The following ATE1 variants were observed in gnomAD, a reference collection of about 807,000 sequenced individuals.
ATE1 encodes the protein arginyltransferase 1.
A neutral mutation model predicts 70.5 loss-of-function variants in ATE1; 36 were observed. The observed-to-expected ratio is 0.51, with a 90% CI of 0.39 to 0.67. The LOEUF (loss-of-function observed/expected upper bound fraction) is 0.67, where lower values mean the gene tolerates loss of function less well. Among genes scored for constraint, ATE1 ranks in the 30% least tolerant of loss-of-function variants. The probability of loss-of-function intolerance (pLI) is 0.00; values close to 1 mark genes in which losing one functional copy is unlikely to be tolerated. For missense variants in ATE1, 593 were observed against 629.5 expected, an observed-to-expected ratio of 0.94 and a Z score of 0.62; for synonymous variants, 232 against 219.3, an observed-to-expected ratio of 1.06 and a Z score of -0.51.
chr10:121,903,404 A>C (rs184911545), intron 5 of ATE1, among the ~76,000 whole-genome samples: 21 of 152,270 alleles, frequency 1.4e-4, no homozygotes, highest in African/African-American at 4.6e-4. Flanking sequence ...AGGTTTTTTT[A>C]AATTAAAAGA....
At chr10:121,796,831 T>C (rs1174405515) in intron 10 of ATE1, among the ~76,000 whole-genome samples, 5 of 152,208 alleles carry the variant, frequency 3.3e-5, no homozygotes, top group African/African-American at 1.2e-4. Flanking sequence ...CATATACTTT[T>C]GGTTTTTGGT....
chr10:121,774,044 T>G (rs371976378), intron 11 of ATE1, among the ~76,000 whole-genome samples: 2 of 152,206 alleles, frequency 1.3e-5, no homozygotes, highest in Non-Finnish European at 1.5e-5. Flanking sequence ...TCATCTTGAA[T>G]GCAGTTTAAA....
intron 3 of ATE1, among the ~76,000 whole-genome samples, chr10:121,919,956 CCAGCTCTCAT>C (rs1028006402): frequency 1.2e-4 from 19 of 152,038 alleles, no homozygotes; most frequent in African/African-American, 4.6e-4. Context: ...GGGCAGGAGG[CCAGCTCTCAT>C]CGACTTCTCA....
intron 8 of ATE1, among the ~76,000 whole-genome samples, chr10:121,863,037 T>C (rs192709331): frequency 2.0e-5 from 3 of 152,282 alleles, no homozygotes; most frequent in East Asian, 3.9e-4. Flanking sequence ...TTACTTCTAA[T>C]TTCCTGTCTA....
intron 1 of ATE1, chr10:121,926,913 CCCA>C (rs1483640922): frequency 3.7e-5 from 36 of 985,324 alleles, no homozygotes; most frequent in Non-Finnish European, 4.0e-5. Flanking sequence ...AAAACCGCTG[CCCA>C]CAAGTAGCAC....
intron 7 of ATE1, among the ~76,000 whole-genome samples, chr10:121,887,176 C>T (rs1950428722): frequency 1.1e-5 from 1 of 87,006 alleles, no homozygotes; most frequent in African/African-American, 4.4e-5. Context: ...AAAGGGTTCT[C>T]GATCTACACC....
At chr10:121,752,196 C>CA (rs369377308) in intron 11 of ATE1, among the ~76,000 whole-genome samples, 2,475 of 100,150 alleles carry the variant, frequency 0.025, 34 homozygotes, top group Middle Eastern at 0.06. Context: ...GACTCTGTCT[C>CA]AAAAAAAAAA....
At chr10:121,757,353 G>A (rs1390737196) in intron 11 of ATE1, among the ~76,000 whole-genome samples, 1 of 152,100 alleles carries the variant, frequency 6.6e-6, no homozygotes, top group Non-Finnish European at 1.5e-5. Flanking sequence ...GTCTTCTTCT[G>A]AGCCCTACAA....
intron 7 of ATE1, among the ~76,000 whole-genome samples, chr10:121,893,301 G>C (rs1399699265): frequency 1.3e-5 from 2 of 148,298 alleles, no homozygotes; most frequent in Admixed American, 6.7e-5. Context: ...AAACAAAATT[G>C]TAAAAACGTT....
At position 121,769,304 on chromosome 10, in the gene ATE1, T is replaced by C. The variant is rs115412738; in HGVS notation, c.1378+20865A>G. ...AGTAATTCATGAAGGAAGAGGAGCT[T>C]TTCCAACAACTAGTGTTGGAGCAAC... On this transcript the variant is annotated intron_variant, in intron 11 of 11. Transcript: ENST00000224652. Among the ~76,000 whole-genome samples the C allele has an allele frequency of 5.2e-3, 789 of 152,264 alleles. 7 individuals are homozygous for C. The highest frequency in any genetic ancestry group is 0.018 in the African/African-American group (755 of 41,558).
At chr10:121,767,943 T>C (rs1363520621) in intron 11 of ATE1, among the ~76,000 whole-genome samples, 1 of 152,214 alleles carries the variant, frequency 6.6e-6, no homozygotes, top group Non-Finnish European at 1.5e-5. Flanking sequence ...AGCAGCATCA[T>C]TCACAATAGC....
chr10:121,909,303 A>C (rs1192874189), intron 5 of ATE1, among the ~76,000 whole-genome samples: 1 of 152,154 alleles, frequency 6.6e-6, no homozygotes, highest in Non-Finnish European at 1.5e-5. Flanking sequence ...GAGATTTTTT[A>C]AATATATCAA....
intron 8 of ATE1, among the ~76,000 whole-genome samples, chr10:121,854,633 T>A (rs1480770317): frequency 1.3e-5 from 2 of 152,174 alleles, no homozygotes; most frequent in Non-Finnish European, 2.9e-5. Context: ...GTGTTTCTGA[T>A]TCACTCGTGA....
intron 11 of ATE1, among the ~76,000 whole-genome samples, chr10:121,768,361 TA>T (rs908909513): frequency 2.6e-5 from 4 of 151,978 alleles, no homozygotes; most frequent in African/African-American, 9.7e-5. Context: ...TATAGTTGTT[TA>T]AAAAAAACTT....
At chr10:121,888,461 C>T (rs1950476392) in intron 7 of ATE1, among the ~76,000 whole-genome samples, 1 of 152,006 alleles carries the variant, frequency 6.6e-6, no homozygotes, top group African/African-American at 2.4e-5. Flanking sequence ...GTGAGCAAAC[C>T]AAGTGACAAC....
Position 121,816,608 on chromosome 10 carries a change from C to T in ATE1, c.1257+20110G>A, listed in dbSNP as rs371581110. Among the ~76,000 whole-genome samples, 66 of 152,196 alleles carry T rather than the reference C, an allele frequency of 4.3e-4. No individual in the cohort carries two copies. In the South Asian group the frequency reaches 7.1e-3, roughly 16 times the overall value. ...CCACATGAGGACACAGCATTCAAGG[C>T]GCCATCTTGAAAGCAGAGACAGCAG... On this transcript the variant is annotated intron_variant, in intron 10 of 11. Transcript: ENST00000224652.
chr10:121,745,651 C>CA (rs1944335416), intron 11 of ATE1, among the ~76,000 whole-genome samples: 1 of 152,074 alleles, frequency 6.6e-6, no homozygotes, highest in Non-Finnish European at 1.5e-5. Context: ...GGTGTGAACC[C>CA]GGGAGGCGGA....
Position 121,750,705 on chromosome 10 carries a change from T to C in ATE1, c.1379-6847A>G, listed in dbSNP as rs80087240. Among the ~76,000 whole-genome samples, 445 of 152,352 alleles carry C rather than the reference T, an allele frequency of 2.9e-3. 2 individuals carry two copies. The highest frequency in any genetic ancestry group is 0.014 in the Middle Eastern group (4 of 294). On this transcript the variant is annotated intron_variant, in intron 11 of 11. Transcript: ENST00000224652. ...TAGGCTTTCCAAAAATTAATGAAAG[T>C]CTATTCTCTTAACTTCATTATTTAC...
intron 7 of ATE1, among the ~76,000 whole-genome samples, chr10:121,888,447 C>A (rs1380154166): frequency 6.6e-6 from 1 of 152,022 alleles, no homozygotes; most frequent in African/African-American, 2.4e-5. Context: ...TGTTATTCAA[C>A]CAAGTGAGCA....
Sources: gnomAD v4.1 joint callset for allele counts (sites outside exome capture counted in the v4.1 genomes callset) on GRCh38, gnomAD v4.1.1 for gene constraint, MANE v1.5 for transcripts, NCBI Gene and HGNC (gene_info 2026-07-23, HGNC 2026-07-21) for gene names.